The following SPATA16 variants were observed in gnomAD, a reference collection of about 807,000 sequenced individuals.
The protein encoded by SPATA16 is spermatogenesis associated 16.
A neutral mutation model predicts 63.3 loss-of-function variants in SPATA16; 36 were observed. The ratio of observed to expected loss-of-function variants is 0.57; its 90% CI spans 0.44 to 0.75. The LOEUF (loss-of-function observed/expected upper bound fraction) is 0.75. Ranked by LOEUF, SPATA16 falls within the 30% of genes least tolerant of loss-of-function variation. SPATA16 has a pLI of 0.00. For synonymous variants in SPATA16, 203 were observed against 216.7 expected, an observed-to-expected ratio of 0.94 and a Z score of 0.56; for missense variants, 646 against 679.3, an observed-to-expected ratio of 0.95 and a Z score of 0.54.
intron 1 of SPATA16, among the ~76,000 whole-genome samples, chr3:173,119,372 G>C (rs1442210898): frequency 1.3e-5 from 2 of 152,186 alleles, no homozygotes; most frequent in Non-Finnish European, 2.9e-5. Context: ...AGATTTTTAA[G>C]TAAAGGGAGA....
chr3:172,901,479 C>A (rs1364651620), intron 10 of SPATA16, among the ~76,000 whole-genome samples: 2 of 152,216 alleles, frequency 1.3e-5, no homozygotes, highest in African/African-American at 2.4e-5. Context: ...AGATTACAGG[C>A]ATGAACCATT....
intron 1 of SPATA16, among the ~76,000 whole-genome samples, chr3:173,125,439 C>T (rs746199930): frequency 2.6e-5 from 4 of 152,266 alleles, no homozygotes; most frequent in Non-Finnish European, 5.9e-5. Flanking sequence ...CACCTAGAAT[C>T]GAATACAATC....
chr3:173,012,560 G>A (rs1380028918), intron 4 of SPATA16, among the ~76,000 whole-genome samples: 1 of 152,144 alleles, frequency 6.6e-6, no homozygotes, highest in Non-Finnish European at 1.5e-5. Flanking sequence ...AAACAGCATA[G>A]TACTGGTACA....
intron 4 of SPATA16, among the ~76,000 whole-genome samples, chr3:173,005,932 A>C (rs913671422): frequency 6.6e-6 from 1 of 152,212 alleles, no homozygotes; most frequent in African/African-American, 2.4e-5. Context: ...TTGTTATAAG[A>C]TTATATGTTT....
At chr3:172,955,288 A>G (rs769141423) in intron 6 of SPATA16, among the ~76,000 whole-genome samples, 22 of 152,134 alleles carry the variant, frequency 1.4e-4, no homozygotes, top group Non-Finnish European at 2.5e-4. Flanking sequence ...TTCGTTACCA[A>G]TGGATCTGGG....
At chr3:173,067,462 G>A (rs1736549029) in intron 2 of SPATA16, among the ~76,000 whole-genome samples, 1 of 152,102 alleles carries the variant, frequency 6.6e-6, no homozygotes, top group Admixed American at 6.5e-5. Flanking sequence ...ATGGGAGGAG[G>A]GTAAGGATTG....
intron 2 of SPATA16, among the ~76,000 whole-genome samples, chr3:173,114,648 A>C (rs1737846172): frequency 6.6e-6 from 1 of 152,188 alleles, no homozygotes. Flanking sequence ...TTTGCAGCCA[A>C]ACCTAACCCT....
chr3:173,055,241 G>T (rs933338441), intron 2 of SPATA16, among the ~76,000 whole-genome samples: 1 of 152,136 alleles, frequency 6.6e-6, no homozygotes, highest in Non-Finnish European at 1.5e-5. Context: ...AGTCACTAGA[G>T]AAAACAATAT....
At chr3:173,011,616 G>A (rs2108272072) in intron 4 of SPATA16, among the ~76,000 whole-genome samples, 1 of 152,150 alleles carries the variant, frequency 6.6e-6, no homozygotes, top group South Asian at 2.1e-4. Context: ...GCAAACTTAG[G>A]CAAAAGAAAG....
intron 4 of SPATA16, among the ~76,000 whole-genome samples, chr3:173,001,268 G>GTTTTTTTTTTTTGT (rs1553790841): frequency 5.1e-5 from 7 of 137,592 alleles, no homozygotes; most frequent in African/African-American, 1.6e-4. Flanking sequence ...CTTCTCAGTT[G>GTTTTTTTTTTTTGT]TTTTTTTTTT....
intron 2 of SPATA16, among the ~76,000 whole-genome samples, chr3:173,085,345 T>G (rs918067336): frequency 5.3e-5 from 8 of 152,134 alleles, no homozygotes; most frequent in Non-Finnish European, 1.0e-4. Context: ...ATGCTTGTGA[T>G]TTTTGCACAT....
chr3:172,995,876 A>G (rs1445831766), intron 4 of SPATA16, among the ~76,000 whole-genome samples: 1 of 152,158 alleles, frequency 6.6e-6, no homozygotes, highest in Non-Finnish European at 1.5e-5. Flanking sequence ...ACATAATTGT[A>G]GTACTACACA....
At chr3:172,925,865 G>A (rs994878580) in intron 6 of SPATA16, among the ~76,000 whole-genome samples, 5 of 151,528 alleles carry the variant, frequency 3.3e-5, no homozygotes, top group Non-Finnish European at 5.9e-5. Flanking sequence ...TGCTCTTGTC[G>A]CCCAGGCTGG....
chr3:172,993,961 T>A (rs926143065), intron 4 of SPATA16, among the ~76,000 whole-genome samples: 3 of 152,164 alleles, frequency 2.0e-5, no homozygotes, highest in African/African-American at 7.2e-5. Context: ...TGTTCACATG[T>A]TAATAAGGCT....
chr3:173,066,060 TCCTTCCACTTG>T (rs773367385), intron 2 of SPATA16, among the ~76,000 whole-genome samples: 67 of 152,192 alleles, frequency 4.4e-4, no homozygotes, highest in Non-Finnish European at 6.6e-4. Flanking sequence ...CAGGCAGTGC[TCCTTCCACTTG>T]GGGGAAGGAG....
chr3:173,073,368 G>A (rs901576839), intron 2 of SPATA16, among the ~76,000 whole-genome samples: 5 of 152,218 alleles, frequency 3.3e-5, no homozygotes, highest in Non-Finnish European at 7.3e-5. Context: ...AGACCTTCAT[G>A]GCAGCCTCTC....
intron 2 of SPATA16, among the ~76,000 whole-genome samples, chr3:173,064,417 C>A (rs1027820418): frequency 6.6e-6 from 1 of 151,064 alleles, no homozygotes; most frequent in Non-Finnish European, 1.5e-5. Context: ...TCCCAGCTTT[C>A]ATGTACATTT....
chr3:173,109,232 T>TTGA (rs1737690866), intron 2 of SPATA16, among the ~76,000 whole-genome samples: 2 of 152,138 alleles, frequency 1.3e-5, no homozygotes, highest in African/African-American at 4.8e-5. Flanking sequence ...TCCTGTCCTT[T>TTGA]TGATTCTCTC....
chr3:172,904,017 C>G (rs1300299487), intron 10 of SPATA16, among the ~76,000 whole-genome samples: 4 of 152,194 alleles, frequency 2.6e-5, no homozygotes, highest in Admixed American at 2.0e-4. Flanking sequence ...CAATTAAGAA[C>G]AAGCCTTTGA....
Sources: allele counts gnomAD v4.1 joint callset (sites outside exome capture counted in the v4.1 genomes callset), GRCh38; gene constraint gnomAD v4.1.1; transcripts MANE v1.5; gene names NCBI Gene and HGNC (gene_info 2026-07-23, HGNC 2026-07-21).